Variants in SLC25A33 observed in about 807,000 individuals in gnomAD.
The protein encoded by SLC25A33 is solute carrier family 25 member 33, also known as bone marrow stromal cell mitochondrial carrier protein.
A neutral mutation model predicts 35.5 loss-of-function variants in SLC25A33; 15 were observed. That is an observed-to-expected ratio of 0.42 (90% CI 0.28 to 0.65). SLC25A33 has a LOEUF of 0.65. Among genes scored for constraint, SLC25A33 ranks in the 30% least tolerant of loss-of-function variants. The pLI is 0.20. For missense variants in SLC25A33, 257 were observed against 398.5 expected (o/e 0.64, Z 3.02); for synonymous variants, 136 against 148.7 (o/e 0.91, Z 0.62).
At chr1:9,577,457 A>C (rs1643676766) in intron 5 of SLC25A33, among the ~76,000 whole-genome samples, 1 of 152,198 alleles carries the variant, frequency 6.6e-6, no homozygotes, top group Non-Finnish European at 1.5e-5. Flanking sequence ...CCTAGGGGAC[A>C]GAGTGAGTAA....
At chr1:9,570,712 T>G (rs911093561) in intron 4 of SLC25A33, among the ~76,000 whole-genome samples, 220 of 144,512 alleles carry the variant, frequency 1.5e-3, no homozygotes, top group African/African-American at 4.5e-3. Context: ...GTTTTTTTTT[T>G]TTTTTTTTTT....
At position 9,574,667 on chromosome 1, in the gene SLC25A33, G is replaced by C. The variant is rs142968769; in HGVS notation, c.482+1255G>C. ...GCTAATGGAACCCGGTGTAAAGAGT[G>C]TTTTAGACTTAATAAAGCTAAGCTT... On this transcript the variant is annotated intron_variant, in intron 5 of 6. Coordinates refer to ENST00000302692, the MANE Select transcript of SLC25A33 (RefSeq NM_032315.3). Among the ~76,000 whole-genome samples, 187 of 152,258 alleles carry C rather than the reference G, an allele frequency of 1.2e-3. 5 individuals carry two copies. In the East Asian group the frequency reaches 0.03, roughly 24 times the overall value.
chr1:9,565,636 T>A (rs1419532818), intron 2 of SLC25A33, among the ~76,000 whole-genome samples: 1 of 152,080 alleles, frequency 6.6e-6, no homozygotes, highest in Non-Finnish European at 1.5e-5. Flanking sequence ...CCCAGCACTT[T>A]GGGAGGCCAA....
chr1:9,580,063 T>A lies in SLC25A33; in HGVS notation c.592T>A (p.Ser198Thr). Residue 198 changes from serine to threonine, a missense_variant, in exon 6 of 7, where the codon TCC becomes ACC. Physicochemically the swap from Ser to Thr is moderately conservative, Grantham distance 58. Transcript: ENST00000302692. ...RGLTASYAGISETIICFAIYE... is the reference protein window; with the variant it reads ...RGLTASYAGITETIICFAIYE... ...ATTAACTGCCTCGTATGCTGGAATTTCCGAAACTATAATCTGCTTTGCTAT... is the reference window on the plus strand; with the variant it reads ...ATTAACTGCCTCGTATGCTGGAATTACCGAAACTATAATCTGCTTTGCTAT... The A allele has an allele frequency of 5.6e-6, 9 of 1,613,276 alleles. No homozygotes were observed. Among genetic ancestry groups the A allele is most frequent in the Non-Finnish European group, 7.6e-6 (9 of 1,179,436 alleles).
intron 5 of SLC25A33, chr1:9,576,634 A>G (rs917489340): frequency 6.7e-6 from 4 of 601,122 alleles, no homozygotes; most frequent in Admixed American, 1.9e-5. Context: ...AACTGTTGGT[A>G]GTTATGTGCA....
chr1:9,579,789 T>C (rs1569880695), intron 5 of SLC25A33, among the ~76,000 whole-genome samples, 165 bp from the exon 6 acceptor site: 1 of 152,144 alleles, frequency 6.6e-6, no homozygotes, highest in East Asian at 1.9e-4. Context: ...CCCTGCGGCC[T>C]CACACACCCC....
In SLC25A33 at chr1:9,582,690, GTT is replaced by G; in HGVS notation, c.*190_*191del. ...AGGTTTAAATTCATTAACGTTAATA[GTT>G]AATTATAACTTTTTTTTTAACTTAA... On this transcript the variant is annotated 3_prime_UTR_variant, in exon 7 of 7. Coordinates refer to ENST00000302692, the MANE Select transcript of SLC25A33 (RefSeq NM_032315.3). This position sits in a 1 kb window ranked among gnomAD's most constrained non-coding sequence, Gnocchi z 4.0. The G allele has an allele frequency of 1.7e-6, 1 of 599,628 alleles. No homozygotes were observed. Among genetic ancestry groups the G allele is most frequent in the Non-Finnish European group, 2.9e-6 (1 of 350,784 alleles). 37.1% of individuals were successfully genotyped at this position (599,628 alleles called of 1,614,324 possible). A position where few individuals can be genotyped will look rare whatever the true frequency, so the allele number is the denominator to read the frequency against.
chr1:9,545,554 C>A (rs1165432258), intron 1 of SLC25A33, among the ~76,000 whole-genome samples: 1 of 151,878 alleles, frequency 6.6e-6, no homozygotes, highest in Non-Finnish European at 1.5e-5. Context: ...CCTGCCACCA[C>A]GCCTGGCTAA....
chr1:9,574,659 TAA>T (rs1240601933), intron 5 of SLC25A33, among the ~76,000 whole-genome samples: 1 of 152,176 alleles, frequency 6.6e-6, no homozygotes, highest in Middle Eastern at 3.2e-3. Context: ...GAACCCGGTG[TAA>T]AGAGTGTTTT....
At chr1:9,543,127 G>A (rs997223505) in intron 1 of SLC25A33, among the ~76,000 whole-genome samples, 1 of 150,022 alleles carries the variant, frequency 6.7e-6, no homozygotes, top group Non-Finnish European at 1.5e-5. Flanking sequence ...GCGTGAAAAA[G>A]TATTTTTATT....
chr1:9,575,000 T>C (rs1413346537), intron 5 of SLC25A33, among the ~76,000 whole-genome samples: 1 of 151,404 alleles, frequency 6.6e-6, no homozygotes, highest in Non-Finnish European at 1.5e-5. Flanking sequence ...GATCACGAGG[T>C]CAGGAGATCG....
At chr1:9,570,760 T>C (rs1443457746) in intron 4 of SLC25A33, among the ~76,000 whole-genome samples, 1 of 145,212 alleles carries the variant, frequency 6.9e-6, no homozygotes, top group Non-Finnish European at 1.5e-5. Context: ...CAGGCTGGAC[T>C]GGAGTGCAGT....
chr1:9,550,017 T>A (rs373608825), intron 1 of SLC25A33, among the ~76,000 whole-genome samples: 1,152 of 88,270 alleles, frequency 0.013, 52 homozygotes, highest in African/African-American at 0.061. Context: ...ATATATTTTT[T>A]TTTTTTTTTT....
intron 2 of SLC25A33, among the ~76,000 whole-genome samples, chr1:9,554,462 C>T (rs1479635021): frequency 1.3e-5 from 2 of 152,190 alleles, no homozygotes; most frequent in Non-Finnish European, 2.9e-5. Context: ...TGGATTCAAG[C>T]GATTCTCCTG....
rs1027646976 is a variant in SLC25A33 at position 9,584,113 on chromosome 1, TC to T, written c.*1613del. 8.5e-5 allele frequency: 13 copies of T among 152,222 alleles called. No homozygotes were observed. The highest frequency in any genetic ancestry group is 3.1e-4 in the African/African-American group (13 of 41,464). The allele number at this position is 152,222 out of a possible 1,614,324, so 9.4% of individuals were successfully genotyped here. On this transcript the variant is annotated 3_prime_UTR_variant, in exon 7 of 7. Coordinates refer to ENST00000302692, the MANE Select transcript of SLC25A33 (RefSeq NM_032315.3). ...AACCCCTAGTCTTCCATTAGCTCTTTCACTGGAATTTGAGTATATTGTACAT... is the reference window on the plus strand; with the variant it reads ...AACCCCTAGTCTTCCATTAGCTCTTTACTGGAATTTGAGTATATTGTACAT...
At chr1:9,547,624 G>A (rs1643200482) in intron 1 of SLC25A33, among the ~76,000 whole-genome samples, 1 of 151,986 alleles carries the variant, frequency 6.6e-6, no homozygotes, top group Admixed American at 6.6e-5. Flanking sequence ...TTGTCTGTGA[G>A]GGATGGGCTG....
chr1:9,571,737 A>AGG (rs1338715574), intron 4 of SLC25A33, among the ~76,000 whole-genome samples: 2 of 151,782 alleles, frequency 1.3e-5, no homozygotes, highest in African/African-American at 2.4e-5. Flanking sequence ...TCCTGGGCTC[A>AGG]AGCCATCCCT....
rs1569853245 is a variant in SLC25A33, at chr1:9,556,394, G to A, written c.236+2589G>A. On this transcript the variant is annotated intron_variant, in intron 2 of 6. Transcript: ENST00000302692. Reference sequence around the variant, plus strand: ...AATAGGGCCAACCTGGAAGGTAAATGGGAATGTTTCTCCATTTTAGGTTTT... The same window carrying A: ...AATAGGGCCAACCTGGAAGGTAAATAGGAATGTTTCTCCATTTTAGGTTTT... 2.1e-5 allele frequency: 5 copies of A among 234,764 alleles called. No individual in the cohort carries two copies. The South Asian group carries it at 4.7e-4, about 22-fold the overall frequency. 14.5% of individuals were successfully genotyped at this position (234,764 alleles called of 1,614,324 possible). A position where few individuals can be genotyped will look rare whatever the true frequency, so the allele number is the denominator to read the frequency against.
intron 1 of SLC25A33, among the ~76,000 whole-genome samples, chr1:9,546,461 G>C (rs1004738756): frequency 6.6e-6 from 1 of 152,076 alleles, no homozygotes; most frequent in Non-Finnish European, 1.5e-5. Context: ...TGGGATTACA[G>C]GCGTGAGCCA....
Sources: allele counts gnomAD v4.1 joint callset (sites outside exome capture counted in the v4.1 genomes callset), GRCh38; gene constraint gnomAD v4.1.1; non-coding constraint Gnocchi (gnomAD v3.1); transcripts MANE v1.5; gene names NCBI Gene and HGNC (gene_info 2026-07-23, HGNC 2026-07-21).